The following RANBP2 variants were observed in gnomAD, a reference collection of about 807,000 sequenced individuals.
RANBP2 encodes E3 SUMO-protein ligase RanBP2.
In RANBP2, 57 loss-of-function variants were observed where a neutral mutation model predicts 303.6. The ratio of observed to expected loss-of-function variants is 0.19; its 90% CI spans 0.15 to 0.23. The LOEUF is 0.23. Ranked by LOEUF, RANBP2 falls within the 10% of genes least tolerant of loss-of-function variation. RANBP2 has a pLI of 1.00. For synonymous variants in RANBP2, 1,167 were observed against 1,301.5 expected, an observed-to-expected ratio of 0.90 and a Z score of 2.23; for missense variants, 3,138 against 3,780.8, an observed-to-expected ratio of 0.83 and a Z score of 4.46.
chr2:109,052,732 C>T, the RANBP2 span, among the ~76,000 whole-genome samples: 2 of 152,068 alleles, frequency 1.3e-5, no homozygotes, highest in Admixed American at 6.5e-5. Context: ...ACTCCTGACC[C>T]CAAGTGATCC....
the RANBP2 span, among the ~76,000 whole-genome samples, chr2:109,212,004 A>C: frequency 6.6e-6 from 1 of 152,212 alleles, no homozygotes; most frequent in Non-Finnish European, 1.5e-5. Flanking sequence ...TGAATTCAAT[A>C]AATGACTGAT....
At chr2:109,260,733 A>G in the RANBP2 span, among the ~76,000 whole-genome samples, 3 of 152,172 alleles carry the variant, frequency 2.0e-5, no homozygotes, top group African/African-American at 4.8e-5. Flanking sequence ...GATACTGTCC[A>G]TGGGCAATCC....
chr2:109,568,070 G>T, the RANBP2 span: 2 of 980,114 alleles, frequency 2.0e-6, no homozygotes, highest in Non-Finnish European at 3.0e-6. Context: ...TTCTGACAAT[G>T]AATTTCCCTA....
At chr2:109,430,992 C>T in the RANBP2 span, among the ~76,000 whole-genome samples, 9 of 152,124 alleles carry the variant, frequency 5.9e-5, no homozygotes, top group African/African-American at 1.4e-4. Context: ...TTAGGATGTT[C>T]GAAAAGGGGG....
the RANBP2 span, among the ~76,000 whole-genome samples, chr2:109,137,100 G>A: frequency 6.6e-6 from 1 of 152,180 alleles, no homozygotes; most frequent in East Asian, 1.9e-4. Context: ...CATTTAGTTA[G>A]GTGACCAGAT....
At chr2:109,554,235 T>G in the RANBP2 span, among the ~76,000 whole-genome samples, 6 of 152,122 alleles carry the variant, frequency 3.9e-5, no homozygotes, top group Non-Finnish European at 8.8e-5. Flanking sequence ...AAGGGAAAAT[T>G]GTAAAGATCA....
At chr2:109,618,137 A>G in the RANBP2 span, 1 of 167,096 alleles carries the variant, frequency 6.0e-6, no homozygotes, top group Non-Finnish European at 1.5e-5. Context: ...TTATGCATAC[A>G]TGTGGGTGAA....
At chr2:108,966,790 A>C in the RANBP2 span, among the ~76,000 whole-genome samples, 1 of 152,172 alleles carries the variant, frequency 6.6e-6, no homozygotes, top group Non-Finnish European at 1.5e-5. Flanking sequence ...AGCACAGTGG[A>C]GGGAGGATTG....
the RANBP2 span, among the ~76,000 whole-genome samples, chr2:109,023,139 T>C: frequency 2.0e-5 from 3 of 152,232 alleles, no homozygotes; most frequent in Admixed American, 6.5e-5. Flanking sequence ...GCTTCTGCGC[T>C]CTTAAGCAAA....
At chr2:109,727,840 TA>T in the RANBP2 span, among the ~76,000 whole-genome samples, 1 of 152,314 alleles carries the variant, frequency 6.6e-6, no homozygotes, top group African/African-American at 2.4e-5. Context: ...AGTATGTTTT[TA>T]TGAGAAATAT....
At chr2:108,745,787 G>C (rs1488549738) in intron 7 of RANBP2, among the ~76,000 whole-genome samples, 4 of 151,322 alleles carry the variant, frequency 2.6e-5, no homozygotes, top group Non-Finnish European at 4.4e-5. Context: ...AACATCTGCT[G>C]TTGTCCTATT....
the RANBP2 span, among the ~76,000 whole-genome samples, chr2:109,748,816 T>C: frequency 1.3e-5 from 2 of 148,652 alleles, no homozygotes; most frequent in Middle Eastern, 6.8e-3. Context: ...GAGGTTGCAG[T>C]GAGCCAAGAT....
the RANBP2 span, among the ~76,000 whole-genome samples, chr2:109,629,322 TATATATATATATATATATATATATATATA>T: frequency 0.011 from 60 of 5,698 alleles, 1 homozygote; most frequent in African/African-American, 0.03. Flanking sequence ...TATATATATA[TATATATATATATATATATATATATATATA>T]TATATTTTTT....
the RANBP2 span, among the ~76,000 whole-genome samples, chr2:108,872,274 A>G: frequency 1.3e-5 from 2 of 151,912 alleles, no homozygotes; most frequent in Non-Finnish European, 1.5e-5. Context: ...CCCAAAATTT[A>G]TGTCCTTCTC....
the RANBP2 span, among the ~76,000 whole-genome samples, chr2:109,442,323 AAAAG>A: frequency 6.6e-6 from 1 of 151,952 alleles, no homozygotes; most frequent in Non-Finnish European, 1.5e-5. Context: ...AAAAAAAAAA[AAAAG>A]AAAAAATCCA....
chr2:108,891,827 A>T, the RANBP2 span, among the ~76,000 whole-genome samples: 1 of 152,096 alleles, frequency 6.6e-6, no homozygotes, highest in South Asian at 2.1e-4. Context: ...TGGGTAAGAC[A>T]ACCTCTTGGC....
chr2:109,211,892 C>T, the RANBP2 span, among the ~76,000 whole-genome samples: 1 of 152,218 alleles, frequency 6.6e-6, no homozygotes, highest in Non-Finnish European at 1.5e-5. Flanking sequence ...ATCCGCCCTC[C>T]TCGGCCTCCC....
chr2:109,395,051 G>A, the RANBP2 span, among the ~76,000 whole-genome samples: 1 of 152,248 alleles, frequency 6.6e-6, no homozygotes, highest in Non-Finnish European at 1.5e-5. Context: ...TTTATGACGT[G>A]ACTAATTGGA....
chr2:109,366,500 G>A, the RANBP2 span, among the ~76,000 whole-genome samples: 1 of 152,138 alleles, frequency 6.6e-6, no homozygotes, highest in East Asian at 1.9e-4. Context: ...GTTTATGCAC[G>A]TATACATATA....
Sources: gnomAD v4.1 joint callset for allele counts (sites outside exome capture counted in the v4.1 genomes callset) on GRCh38, gnomAD v4.1.1 for gene constraint, MANE v1.5 for transcripts, NCBI Gene and HGNC (gene_info 2026-07-23, HGNC 2026-07-21) for gene names.